The following CDC42SE2 variants were observed in gnomAD, a reference collection of about 807,000 sequenced individuals.
CDC42SE2 encodes the protein CDC42 small effector protein 2.
Under a neutral mutation model 11.5 loss-of-function variants are expected in CDC42SE2, and 3 were observed. The observed-to-expected ratio is 0.26, with a 90% confidence interval of 0.12 to 0.67. CDC42SE2 has a LOEUF of 0.67. Among genes scored for constraint, CDC42SE2 ranks in the 30% least tolerant of loss-of-function variants. The pLI, the probability that CDC42SE2 is intolerant of heterozygous loss-of-function variation, is 0.80. For missense variants in CDC42SE2, 82 were observed against 106.8 expected (o/e 0.77, Z 1.02); for synonymous variants, 33 against 34.8 (o/e 0.95, Z 0.18).
the CDC42SE2 span, among the ~76,000 whole-genome samples, chr5:131,223,828 C>G: frequency 2.0e-5 from 3 of 152,322 alleles, no homozygotes; most frequent in African/African-American, 7.2e-5. Context: ...CTTTACCACT[C>G]TGTCTTGAAC....
At chr5:131,355,182 AT>A (rs1295988275) in intron 2 of CDC42SE2, among the ~76,000 whole-genome samples, 1 of 152,198 alleles carries the variant, frequency 6.6e-6, no homozygotes, top group East Asian at 1.9e-4. Context: ...TTTATAATAT[AT>A]ACTGTACTTT....
the CDC42SE2 span, among the ~76,000 whole-genome samples, chr5:131,216,512 A>AC: frequency 6.7e-6 from 1 of 149,108 alleles, no homozygotes; most frequent in African/African-American, 2.5e-5. Flanking sequence ...AAAAAAAAAA[A>AC]AAAAAAAAAA....
intron 3 of CDC42SE2, among the ~76,000 whole-genome samples, chr5:131,379,672 TAGC>T (rs1446541802): frequency 1.3e-5 from 2 of 152,204 alleles, no homozygotes; most frequent in African/African-American, 4.8e-5. Flanking sequence ...CACACTAACA[TAGC>T]AGTTCATTTG....
At chr5:131,342,827 C>T (rs370556713) in intron 2 of CDC42SE2, among the ~76,000 whole-genome samples, 1 of 152,100 alleles carries the variant, frequency 6.6e-6, no homozygotes, top group Non-Finnish European at 1.5e-5. Flanking sequence ...ATTCTTGTGC[C>T]TCAGCTTCCC....
At chr5:131,265,464 T>A (rs1237037132) in intron 1 of CDC42SE2, among the ~76,000 whole-genome samples, 1 of 152,190 alleles carries the variant, frequency 6.6e-6, no homozygotes, top group African/African-American at 2.4e-5. Flanking sequence ...GGGGAAAAGC[T>A]AATGTTGCAC....
At chr5:131,320,054 G>GAAAAA (rs763857152) in intron 2 of CDC42SE2, among the ~76,000 whole-genome samples, 2 of 62,764 alleles carry the variant, frequency 3.2e-5, no homozygotes, top group African/African-American at 5.2e-5. Flanking sequence ...CCGTCTTAAA[G>GAAAAA]AAAAAAAAAA....
chr5:131,363,234 T>C (rs1305024542), intron 3 of CDC42SE2, among the ~76,000 whole-genome samples: 3 of 150,458 alleles, frequency 2.0e-5, no homozygotes, highest in African/African-American at 7.4e-5. Flanking sequence ...GCTTCTAAGG[T>C]AGCTTTAAAA....
At chr5:131,381,073 C>T (rs188932331) in intron 3 of CDC42SE2, among the ~76,000 whole-genome samples, 1 of 152,308 alleles carries the variant, frequency 6.6e-6, no homozygotes, top group East Asian at 1.9e-4. Flanking sequence ...GACTTTCAGG[C>T]TGTTTCTTTT....
At chr5:131,286,777 T>C (rs1409396721) in intron 1 of CDC42SE2, among the ~76,000 whole-genome samples, 1 of 152,036 alleles carries the variant, frequency 6.6e-6, no homozygotes, top group Non-Finnish European at 1.5e-5. Context: ...TTCTTTTCTC[T>C]AGCTTAATTT....
At chr5:131,322,767 G>A (rs1408065487) in intron 2 of CDC42SE2, among the ~76,000 whole-genome samples, 1 of 152,140 alleles carries the variant, frequency 6.6e-6, no homozygotes, top group African/African-American at 2.4e-5. Context: ...ATGTGGGTGG[G>A]CAAATATGTC....
chr5:131,211,128 C>T, the CDC42SE2 span, among the ~76,000 whole-genome samples: 83 of 152,278 alleles, frequency 5.5e-4, no homozygotes, highest in Non-Finnish European at 7.2e-4. Flanking sequence ...TGAGCCACCG[C>T]GCCCTGCCAT....
At chr5:131,322,005 C>G (rs919166128) in intron 2 of CDC42SE2, among the ~76,000 whole-genome samples, 14 of 152,174 alleles carry the variant, frequency 9.2e-5, no homozygotes, top group African/African-American at 3.1e-4. Flanking sequence ...CACCCGCCAC[C>G]ACGCCTGGCT....
chr5:131,324,197 A>G (rs1758251801), intron 2 of CDC42SE2, among the ~76,000 whole-genome samples: 1 of 152,192 alleles, frequency 6.6e-6, no homozygotes, highest in African/African-American at 2.4e-5. Context: ...ATGAATATCC[A>G]GCTGTAGCCT....
intron 2 of CDC42SE2, among the ~76,000 whole-genome samples, chr5:131,322,480 A>G (rs1758212902): frequency 6.6e-6 from 1 of 152,144 alleles, no homozygotes. Flanking sequence ...CATCCATTTT[A>G]TAGCATGACA....
chr5:131,227,669 T>C, the CDC42SE2 span, among the ~76,000 whole-genome samples: 1 of 152,252 alleles, frequency 6.6e-6, no homozygotes, highest in African/African-American at 2.4e-5. Context: ...ATTTGCATTA[T>C]TGAAATCCAG....
chr5:131,213,412 C>T, the CDC42SE2 span, among the ~76,000 whole-genome samples: 17 of 151,996 alleles, frequency 1.1e-4, no homozygotes, highest in Admixed American at 3.9e-4. Context: ...CTCAGAATTC[C>T]AGATACCAAT....
intron 1 of CDC42SE2, among the ~76,000 whole-genome samples, chr5:131,265,835 C>G (rs1756847401): frequency 6.6e-6 from 1 of 152,136 alleles, no homozygotes; most frequent in Non-Finnish European, 1.5e-5. Flanking sequence ...TCCCTGGTCC[C>G]TATTAGGAGA....
intron 1 of CDC42SE2, among the ~76,000 whole-genome samples, chr5:131,280,857 G>C (rs1301982714): frequency 6.6e-6 from 1 of 152,110 alleles, no homozygotes; most frequent in East Asian, 1.9e-4. Context: ...ATTAGATATT[G>C]CTACCCTTTT....
chr5:131,262,188 A>T (rs1390531155), upstream of CDC42SE2, among the ~76,000 whole-genome samples: 2 of 151,230 alleles, frequency 1.3e-5, no homozygotes, highest in Non-Finnish European at 2.9e-5. Context: ...TTGTTCTAGG[A>T]AATTTTTAGA....
Sources: allele counts gnomAD v4.1 joint callset (sites outside exome capture counted in the v4.1 genomes callset), GRCh38; gene constraint gnomAD v4.1.1; transcripts MANE v1.5; gene names NCBI Gene and HGNC (gene_info 2026-07-23, HGNC 2026-07-21).